The following KCNMB4 variants were observed in gnomAD, a reference collection of about 807,000 sequenced individuals.
The protein encoded by KCNMB4 is potassium calcium-activated channel subfamily M regulatory beta subunit 4, also known as calcium-activated potassium channel subunit beta-4.
A neutral mutation model predicts 20.7 loss-of-function variants in KCNMB4; 3 were observed. That is an observed-to-expected ratio of 0.14 (90% CI 0.07 to 0.37). KCNMB4 has a LOEUF of 0.37. Ranked by LOEUF, KCNMB4 falls within the 10% of genes least tolerant of loss-of-function variation. The probability of loss-of-function intolerance (pLI) is 1.00; values close to 1 mark genes in which losing one functional copy is unlikely to be tolerated. For missense variants in KCNMB4, 168 were observed against 265.9 expected (o/e 0.63, Z 2.56); for synonymous variants, 110 against 113.4 (o/e 0.97, Z 0.19).
rs543691915 is a variant in KCNMB4 at position 70,408,954 on chromosome 12, A to G, written c.464+8618A>G. Reference sequence around the variant, plus strand: ...TTCTCTGTATTCTCAATCTTTTCATACAATTTCCTTTCTTCATCTTTGCCT... The same window carrying G: ...TTCTCTGTATTCTCAATCTTTTCATGCAATTTCCTTTCTTCATCTTTGCCT... On this transcript the variant is annotated intron_variant, in intron 2 of 2. Transcript: ENST00000258111. Among the ~76,000 whole-genome samples, 10 of 152,160 alleles carry G rather than the reference A, an allele frequency of 6.6e-5. No individual in the cohort carries two copies. The South Asian group carries it at 2.1e-3, about 32-fold the overall frequency.
In KCNMB4 at chr12:70,433,239, A is replaced by T. The variant is rs535586558; in HGVS notation, c.*2586A>T. 9.8e-5 allele frequency: 15 copies of T among 152,298 alleles called. No homozygotes were observed. The highest frequency in any genetic ancestry group is 1.6e-4 in the Non-Finnish European group (11 of 68,022). 9.4% of individuals were successfully genotyped at this position (152,298 alleles called of 1,614,324 possible). On this transcript the variant is annotated 3_prime_UTR_variant, in exon 3 of 3. Transcript: ENST00000258111. ...CTCTTTTTGTATAAATCAGAAAATG[A>T]TCTAAACTGCTGTAACAAAGAGACC...
At chr12:70,377,423 C>A (rs1034153563) in intron 1 of KCNMB4, among the ~76,000 whole-genome samples, 2 of 152,028 alleles carry the variant, frequency 1.3e-5, no homozygotes, top group African/African-American at 2.4e-5. Context: ...AATGTACATA[C>A]CTTAATTTAA....
chr12:70,422,918 T>G, intron 2 of KCNMB4: 1 of 950,230 alleles, frequency 1.1e-6, no homozygotes, highest in Non-Finnish European at 1.3e-6. Context: ...CCCAGGCCTC[T>G]ACTTTAGGAG....
At chr12:70,383,875 C>T (rs1883839452) in intron 1 of KCNMB4, among the ~76,000 whole-genome samples, 1 of 152,182 alleles carries the variant, frequency 6.6e-6, no homozygotes, top group Admixed American at 6.5e-5. Context: ...TTGAGACCAG[C>T]CTGGCCAACA....
chr12:70,381,836 C>G (rs527300910), intron 1 of KCNMB4, among the ~76,000 whole-genome samples: 16 of 152,184 alleles, frequency 1.1e-4, no homozygotes, highest in Non-Finnish European at 2.1e-4. Flanking sequence ...TACTAAAAAC[C>G]ATTAAATTGT....
chr12:70,405,836 G>C (rs1868584546), intron 2 of KCNMB4, among the ~76,000 whole-genome samples: 2 of 152,162 alleles, frequency 1.3e-5, no homozygotes. Flanking sequence ...GCTGAGGCGG[G>C]AGGATTGCTT....
At chr12:70,372,495 T>C (rs188680055) in intron 1 of KCNMB4, among the ~76,000 whole-genome samples, 37 of 152,284 alleles carry the variant, frequency 2.4e-4, no homozygotes, top group African/African-American at 8.7e-4. Flanking sequence ...GATCAGTGGG[T>C]AGCACTGGTA....
intron 1 of KCNMB4, among the ~76,000 whole-genome samples, chr12:70,369,923 C>T (rs1344347678): frequency 1.3e-5 from 2 of 152,078 alleles, no homozygotes; most frequent in South Asian, 2.1e-4. Flanking sequence ...AATCTAAATT[C>T]GGGGTCAACT....
chr12:70,370,475 T>A (rs929393996), intron 1 of KCNMB4, among the ~76,000 whole-genome samples: 1 of 151,812 alleles, frequency 6.6e-6, no homozygotes, highest in Admixed American at 6.6e-5. Context: ...GCCTGGCTAA[T>A]TTTTTCTATT....
chr12:70,376,418 C>T, intron 1 of KCNMB4, among the ~76,000 whole-genome samples: 1 of 151,968 alleles, frequency 6.6e-6, no homozygotes. Flanking sequence ...TTTCAGAAAT[C>T]ACATGATCTT....
chr12:70,402,202 C>T (rs1012134015), intron 2 of KCNMB4, among the ~76,000 whole-genome samples: 3 of 152,070 alleles, frequency 2.0e-5, no homozygotes, highest in Non-Finnish European at 4.4e-5. Context: ...ACTGGAAATT[C>T]CTCAGATATC....
At chr12:70,412,810 T>C (rs1868817167) in intron 2 of KCNMB4, among the ~76,000 whole-genome samples, 1 of 152,214 alleles carries the variant, frequency 6.6e-6, no homozygotes, top group African/African-American at 2.4e-5. Flanking sequence ...AAATACTGTG[T>C]TTGATATTTG....
At chr12:70,369,807 CAT>C (rs1883558636) in intron 1 of KCNMB4, among the ~76,000 whole-genome samples, 1 of 152,172 alleles carries the variant, frequency 6.6e-6, no homozygotes. Context: ...TATTTTGAAT[CAT>C]ATCCTTATTG....
intron 2 of KCNMB4, among the ~76,000 whole-genome samples, chr12:70,413,778 C>T (rs1349403105): frequency 1.3e-5 from 2 of 152,192 alleles, no homozygotes; most frequent in Non-Finnish European, 2.9e-5. Context: ...AAGAAACCCA[C>T]TCCATTTTTA....
chr12:70,395,113 G>A (rs919213716), intron 1 of KCNMB4, among the ~76,000 whole-genome samples: 31 of 134,298 alleles, frequency 2.3e-4, no homozygotes, highest in African/African-American at 9.3e-4. Context: ...AGGGATTATG[G>A]TATAAAATAT....
intron 2 of KCNMB4, among the ~76,000 whole-genome samples, chr12:70,428,411 AG>A (rs980417198): frequency 2.0e-5 from 3 of 152,226 alleles, no homozygotes; most frequent in African/African-American, 7.2e-5. Context: ...TAGATTATGG[AG>A]GAGCATAATA....
chr12:70,430,373 C>T, intron 2 of KCNMB4, 112 bp from the exon 3 acceptor site: 1 of 1,125,762 alleles, frequency 8.9e-7, no homozygotes, highest in East Asian at 2.4e-5. Flanking sequence ...AGAGTGCAGC[C>T]TTTACTTTCA....
At chr12:70,414,317 C>T (rs1868860984) in intron 2 of KCNMB4, among the ~76,000 whole-genome samples, 1 of 152,162 alleles carries the variant, frequency 6.6e-6, no homozygotes, top group Non-Finnish European at 1.5e-5. Flanking sequence ...CAGTTGTATA[C>T]TTTACCACAA....
intron 2 of KCNMB4, among the ~76,000 whole-genome samples, chr12:70,413,231 T>G (rs937076179): frequency 6.6e-6 from 1 of 152,256 alleles, no homozygotes; most frequent in Non-Finnish European, 1.5e-5. Flanking sequence ...GAGAGTCTGT[T>G]TTCTAATGGT....
Sources: gnomAD v4.1 joint callset for allele counts (sites outside exome capture counted in the v4.1 genomes callset) on GRCh38, gnomAD v4.1.1 for gene constraint, MANE v1.5 for transcripts, NCBI Gene and HGNC (gene_info 2026-07-23, HGNC 2026-07-21) for gene names.